DLC1: variants seen among roughly 807,000 people sequenced by gnomAD.
The protein encoded by DLC1 is DLC1 Rho GTPase activating protein.
In DLC1, 54 loss-of-function variants were observed where a neutral mutation model predicts 140.3. That is an observed-to-expected ratio of 0.38 (90% CI 0.31 to 0.48). The LOEUF is 0.48. DLC1 is among the 20% of genes least tolerant of loss of function. The probability of loss-of-function intolerance (pLI) is 0.96; values close to 1 mark genes in which losing one functional copy is unlikely to be tolerated. For synonymous variants in DLC1, 986 were observed against 728.1 expected, an observed-to-expected ratio of 1.35 and a Z score of -5.70; for missense variants, 2,536 against 1,907.0, an observed-to-expected ratio of 1.33 and a Z score of -6.14.
chr8:13,565,088 G>A (rs1804380511), intron 1 of DLC1, among the ~76,000 whole-genome samples: 1 of 152,116 alleles, frequency 6.6e-6, no homozygotes, highest in Non-Finnish European at 1.5e-5. Flanking sequence ...TAGTACTGTT[G>A]AGAAATTTTC....
At chr8:13,595,557 T>C (rs1805655429) in intron 1 of DLC1, among the ~76,000 whole-genome samples, 1 of 152,050 alleles carries the variant, frequency 6.6e-6, no homozygotes, top group Non-Finnish European at 1.5e-5. Flanking sequence ...TCTTTAATCT[T>C]GAGTTCTTTA....
At chr8:13,574,478 A>C (rs1357809581) in intron 1 of DLC1, among the ~76,000 whole-genome samples, 9 of 152,100 alleles carry the variant, frequency 5.9e-5, no homozygotes, top group Admixed American at 5.9e-4. Flanking sequence ...ATGAGATTCT[A>C]ATACAGGTGA....
At chr8:13,344,926 TTTGA>T (rs1280803097) in intron 4 of DLC1, among the ~76,000 whole-genome samples, 5 of 152,300 alleles carry the variant, frequency 3.3e-5, no homozygotes, top group African/African-American at 1.2e-4. Context: ...CTTCTAATTG[TTTGA>T]TTATTTAATC....
intron 4 of DLC1, among the ~76,000 whole-genome samples, chr8:13,325,217 A>T (rs1021561526): frequency 6.6e-6 from 1 of 152,206 alleles, no homozygotes; most frequent in Non-Finnish European, 1.5e-5. Flanking sequence ...AGTATGGTTT[A>T]TTCAGAGCTC....
At chr8:13,141,925 C>T (rs1194755033) in intron 5 of DLC1, among the ~76,000 whole-genome samples, 1 of 152,162 alleles carries the variant, frequency 6.6e-6, no homozygotes, top group African/African-American at 2.4e-5. Context: ...TTTGTGTCCC[C>T]ACCCAAATCT....
rs79054989 is a variant in DLC1 at position 13,598,182 on chromosome 8, A to T, written c.-126+6355T>A. Among the ~76,000 whole-genome samples the T allele has an allele frequency of 9.6e-3, 1,458 of 152,198 alleles. 60 individuals are homozygous for T. The East Asian group carries it at 0.14, about 14-fold the overall frequency. On this transcript the variant is annotated intron_variant, in intron 1 of 1. Transcript: ENST00000631382. Reference sequence around the variant, plus strand: ...AAATGTAAAGTAAAAAAGATTTTTGAAGAGTATAAAAATAAAATGGGATAT... The same window carrying T: ...AAATGTAAAGTAAAAAAGATTTTTGTAGAGTATAAAAATAAAATGGGATAT...
rs1817460672 is a variant in DLC1 at position 13,085,264 on chromosome 8, A to C, written c.*547T>G. On this transcript the variant is annotated 3_prime_UTR_variant, in exon 18 of 18. Transcript: ENST00000276297. ...CAGGTTAAACTGAACCTGATGCATC[A>C]ATCTCCTTCTTGGAGGTGTCTCAGT... 2.0e-5 allele frequency: 3 copies of C among 152,712 alleles called. No individual in the cohort carries two copies. The South Asian group carries it at 6.2e-4, about 32-fold the overall frequency. 9.5% of individuals were successfully genotyped at this position (152,712 alleles called of 1,614,324 possible).
chr8:13,444,710 G>A (rs1479112886), intron 2 of DLC1, among the ~76,000 whole-genome samples: 2 of 152,050 alleles, frequency 1.3e-5, no homozygotes, highest in Non-Finnish European at 2.9e-5. Flanking sequence ...ACACTGTGCT[G>A]TTTTTTAACA....
intron 5 of DLC1, among the ~76,000 whole-genome samples, chr8:13,130,265 A>C (rs1427951251): frequency 1.3e-5 from 2 of 152,336 alleles, no homozygotes; most frequent in South Asian, 2.1e-4. Flanking sequence ...CTCTGATTGG[A>C]AGGCATCTCA....
intron 2 of DLC1, among the ~76,000 whole-genome samples, chr8:13,433,198 G>T (rs1838966172): frequency 6.6e-6 from 1 of 152,116 alleles, no homozygotes; most frequent in South Asian, 2.1e-4. Flanking sequence ...GTGCACATTT[G>T]TGAGGAGAGG....
rs11272767 is a variant in DLC1 at position 13,590,077 on chromosome 8, A to ATATATATATCTC, written c.-126+14459_-126+14460insGAGATATATATA. 1.5e-3 allele frequency among the ~76,000 whole-genome samples: 216 copies of ATATATATATCTC among 145,268 alleles called. 2 individuals are homozygous for ATATATATATCTC. The highest frequency in any genetic ancestry group is 5.0e-3 in the African/African-American group (192 of 38,180). ...ACTCAACATGCATATATATATATAT[A>ATATATATATCTC]CAAACACATGCTTTTATTTTGTTTT... On this transcript the variant is annotated intron_variant, in intron 1 of 1. Coordinates refer to the DLC1 transcript ENST00000631382.
At chr8:13,088,210 G>A (rs764213695) in intron 16 of DLC1, among the ~76,000 whole-genome samples, 8 of 150,806 alleles carry the variant, frequency 5.3e-5, no homozygotes, top group Non-Finnish European at 1.2e-4. Flanking sequence ...CTCCCGAGTA[G>A]CTAGGACTAC....
intron 4 of DLC1, among the ~76,000 whole-genome samples, chr8:13,362,062 G>T (rs988263773): frequency 6.6e-6 from 1 of 152,212 alleles, no homozygotes; most frequent in Non-Finnish European, 1.5e-5. Flanking sequence ...TGAGAAAACA[G>T]CAGAACTTTC....
intron 5 of DLC1, among the ~76,000 whole-genome samples, chr8:13,278,202 C>A (rs549001085): frequency 2.0e-5 from 3 of 152,334 alleles, no homozygotes; most frequent in South Asian, 2.1e-4. Flanking sequence ...TGTAGACAGA[C>A]CTCCGTGCCT....
chr8:13,222,141 A>G (rs922712272), intron 5 of DLC1, among the ~76,000 whole-genome samples: 1 of 151,754 alleles, frequency 6.6e-6, no homozygotes, highest in Non-Finnish European at 1.5e-5. Flanking sequence ...TTTCTGTGTA[A>G]CAGAATATAT....
chr8:13,366,892 G>A (rs541057370), intron 4 of DLC1, among the ~76,000 whole-genome samples: 54 of 152,200 alleles, frequency 3.5e-4, no homozygotes, highest in Non-Finnish European at 6.3e-4. Context: ...TCATCTCTGT[G>A]GAATTGCTGG....
At chr8:13,113,832 A>C (rs1025201998) in intron 6 of DLC1, among the ~76,000 whole-genome samples, 1 of 152,272 alleles carries the variant, frequency 6.6e-6, no homozygotes, top group Non-Finnish European at 1.5e-5. Flanking sequence ...GGAATGAAGA[A>C]ACAGTAAGAT....
Position 13,141,634 on chromosome 8 carries a change from A to G in DLC1, c.1349-25977T>C, listed in dbSNP as rs116201953. On this transcript the variant is annotated intron_variant, in intron 5 of 17. Transcript: ENST00000276297. ...GGGTTCGGGCAATTGCCTGGAAAAT[A>G]AAGCACAGTTCCCTTTCTTCGCTGC... Among the ~76,000 whole-genome samples the G allele has an allele frequency of 1.7e-3, 257 of 152,286 alleles. 1 individual carries two copies. Among genetic ancestry groups the G allele is most frequent in the African/African-American group, 5.9e-3 (245 of 41,544 alleles).
intron 5 of DLC1, among the ~76,000 whole-genome samples, chr8:13,139,637 G>A (rs772079499): frequency 2.0e-5 from 3 of 152,204 alleles, no homozygotes; most frequent in Non-Finnish European, 4.4e-5. Flanking sequence ...TATATTGACA[G>A]TAGGAATTCC....
Sources: gnomAD v4.1 joint callset for allele counts (sites outside exome capture counted in the v4.1 genomes callset) on GRCh38, gnomAD v4.1.1 for gene constraint, MANE v1.5 for transcripts, NCBI Gene and HGNC (gene_info 2026-07-23, HGNC 2026-07-21) for gene names.